PM20D2: variants seen among roughly 807,000 people sequenced by gnomAD.
The protein encoded by PM20D2 is xaa-Arg dipeptidase.
Under a neutral mutation model 42.9 loss-of-function variants are expected in PM20D2, and 33 were observed. The ratio of observed to expected loss-of-function variants is 0.77; its 90% CI spans 0.58 to 1.03. The LOEUF (loss-of-function observed/expected upper bound fraction) is 1.03. PM20D2 is among the 50% of genes least tolerant of loss of function. The pLI is 0.00. For missense variants in PM20D2, 548 were observed against 557.0 expected (o/e 0.98, Z 0.16); for synonymous variants, 250 against 228.2 (o/e 1.10, Z -0.86).
the PM20D2 span, among the ~76,000 whole-genome samples, chr6:89,104,289 T>C: frequency 6.2e-5 from 9 of 146,122 alleles, no homozygotes; most frequent in East Asian, 1.8e-3. Flanking sequence ...CAGGCTGGAG[T>C]GCAATGGCGT....
At chr6:89,122,424 T>TA in the PM20D2 span, among the ~76,000 whole-genome samples, 1 of 152,246 alleles carries the variant, frequency 6.6e-6, no homozygotes, top group Non-Finnish European at 1.5e-5. Flanking sequence ...GAGCAATACA[T>TA]ACGATATTTG....
chr6:89,107,320 C>G, the PM20D2 span: 1 of 1,310,178 alleles, frequency 7.6e-7, no homozygotes, highest in Non-Finnish European at 1.1e-6. Context: ...ATTTTGCCTA[C>G]AGAAATCCAC....
chr6:89,118,563 C>T, the PM20D2 span, among the ~76,000 whole-genome samples: 1 of 152,204 alleles, frequency 6.6e-6, no homozygotes, highest in Non-Finnish European at 1.5e-5. Context: ...AAGCCTCTCC[C>T]GCCTCGGCCT....
In PM20D2 at chr6:89,165,397, A is replaced by G. The variant is rs2127784705; in HGVS notation, c.*3134A>G. ...TTATTTTTTTACATACTTCATATCA[A>G]GCATTTTGCAGTCCAATTATATAGT... On this transcript the variant is annotated 3_prime_UTR_variant, in exon 7 of 7. Coordinates refer to ENST00000275072, the MANE Select transcript of PM20D2 (RefSeq NM_001010853.3). The G allele has an allele frequency of 6.6e-6, 1 of 152,298 alleles. No homozygotes were observed. Among genetic ancestry groups the G allele is most frequent in the Non-Finnish European group, 1.5e-5 (1 of 68,026 alleles). 9.4% of individuals were successfully genotyped at this position (152,298 alleles called of 1,614,324 possible).
chr6:89,094,628 A>G, the PM20D2 span, among the ~76,000 whole-genome samples: 1 of 152,186 alleles, frequency 6.6e-6, no homozygotes, highest in African/African-American at 2.4e-5. Flanking sequence ...GGTATCCTCA[A>G]TATCCTATTT....
At chr6:89,150,387 G>A (rs1770787716) in intron 2 of PM20D2, among the ~76,000 whole-genome samples, 1 of 151,920 alleles carries the variant, frequency 6.6e-6, no homozygotes, top group Non-Finnish European at 1.5e-5. Context: ...GACTAGAAGG[G>A]GCCTGCATAT....
chr6:89,117,811 G>A, the PM20D2 span: 5 of 1,548,602 alleles, frequency 3.2e-6, no homozygotes, highest in Non-Finnish European at 4.3e-6. Context: ...ACCTGCAGCC[G>A]CGGCCGTTCA....
chr6:89,121,094 T>G, the PM20D2 span, among the ~76,000 whole-genome samples: 1 of 152,148 alleles, frequency 6.6e-6, no homozygotes, highest in Admixed American at 6.6e-5. Flanking sequence ...CCAAAAATAC[T>G]TAGCATGCAT....
At chr6:89,103,104 G>A in the PM20D2 span, among the ~76,000 whole-genome samples, 1 of 152,072 alleles carries the variant, frequency 6.6e-6, no homozygotes, top group Non-Finnish European at 1.5e-5. Flanking sequence ...GTGTCAGGGA[G>A]GTTAAGCAAT....
chr6:89,094,242 G>A, the PM20D2 span, among the ~76,000 whole-genome samples: 1 of 145,748 alleles, frequency 6.9e-6, no homozygotes, highest in Admixed American at 6.9e-5. Flanking sequence ...TTTATTTTTT[G>A]AGACAAGAGT....
the PM20D2 span, among the ~76,000 whole-genome samples, chr6:89,099,445 T>TATATATATATGTGTATATATATACAC: frequency 2.2e-5 from 2 of 91,332 alleles, no homozygotes; most frequent in African/African-American, 7.4e-5. Context: ...TATATACACA[T>TATATATATATGTGTATATATATACAC]ATATATGTGT....
At chr6:89,152,948 A>G in intron 2 of PM20D2, 95 bp from the exon 3 acceptor site, 1 of 960,820 alleles carries the variant, frequency 1.0e-6, no homozygotes, top group Non-Finnish European at 1.5e-6. Flanking sequence ...AATGTGAATT[A>G]ATTTTGAATA....
the PM20D2 span, among the ~76,000 whole-genome samples, chr6:89,111,131 T>C: frequency 2.7e-4 from 40 of 150,096 alleles, no homozygotes; most frequent in Non-Finnish European, 4.6e-4. Context: ...TTTTTGGAGA[T>C]GGAATCTTGC....
chr6:89,130,811 T>TGC, the PM20D2 span, among the ~76,000 whole-genome samples: 138 of 76,192 alleles, frequency 1.8e-3, no homozygotes, highest in African/African-American at 4.1e-3. Flanking sequence ...TGTATCTGGC[T>TGC]TCTTCTTCTT....
At chr6:89,127,059 G>T in the PM20D2 span, among the ~76,000 whole-genome samples, 1 of 152,088 alleles carries the variant, frequency 6.6e-6, no homozygotes, top group Non-Finnish European at 1.5e-5. Flanking sequence ...ACCCTAATTG[G>T]TCACCTTTGG....
intron 2 of PM20D2, among the ~76,000 whole-genome samples, chr6:89,152,683 C>T (rs1472945472): frequency 6.6e-6 from 1 of 151,966 alleles, no homozygotes; most frequent in East Asian, 1.9e-4. Flanking sequence ...TTTTTACAGA[C>T]TTTTGATAAT....
the PM20D2 span, among the ~76,000 whole-genome samples, chr6:89,128,398 ATCAGTTCTCTGCTCTCAAAC>A: frequency 0.015 from 2,293 of 152,264 alleles, 57 homozygotes; most frequent in African/African-American, 0.05. Context: ...TTGTGGTCAG[ATCAGTTCTCTGCTCTCAAAC>A]CCTGTTTTCT....
chr6:89,127,041 A>T, the PM20D2 span, among the ~76,000 whole-genome samples: 8 of 152,190 alleles, frequency 5.3e-5, no homozygotes, highest in African/African-American at 1.7e-4. Flanking sequence ...TAATTATACT[A>T]AAAAACAACC....
chr6:89,140,437 T>TAA, the PM20D2 span, among the ~76,000 whole-genome samples: 3 of 152,136 alleles, frequency 2.0e-5, no homozygotes, highest in Non-Finnish European at 4.4e-5. Context: ...GAATCCTTAG[T>TAA]AAAGGTAATT....
Sources: allele counts gnomAD v4.1 joint callset (sites outside exome capture counted in the v4.1 genomes callset), GRCh38; gene constraint gnomAD v4.1.1; transcripts MANE v1.5; gene names NCBI Gene and HGNC (gene_info 2026-07-23, HGNC 2026-07-21).